Variants in FGF14 observed in about 807,000 individuals in gnomAD.
FGF14 encodes fibroblast growth factor homologous factor 4.
FGF14 carries 5 observed loss-of-function variants against 25.5 expected under a neutral mutation model. The observed-to-expected ratio is 0.20, with a 90% CI of 0.10 to 0.41. FGF14 has a LOEUF of 0.41. Among genes scored for constraint, FGF14 ranks in the 10% least tolerant of loss-of-function variants. The pLI, the probability that FGF14 is intolerant of heterozygous loss-of-function variation, is 1.00. For missense variants in FGF14, 222 were observed against 320.1 expected, an observed-to-expected ratio of 0.69 and a Z score of 2.34; for synonymous variants, 138 against 118.3, an observed-to-expected ratio of 1.17 and a Z score of -1.08.
chr13:101,912,731 A>G (rs2033074255), intron 1 of FGF14, among the ~76,000 whole-genome samples: 2 of 152,160 alleles, frequency 1.3e-5, no homozygotes, highest in African/African-American at 2.4e-5. Flanking sequence ...AGATATAATT[A>G]TATTTATTTA....
intron 1 of FGF14, among the ~76,000 whole-genome samples, chr13:102,065,186 A>G (rs1166670704): frequency 1.3e-5 from 2 of 152,098 alleles, no homozygotes; most frequent in African/African-American, 4.8e-5. Context: ...GGAGAAAGGA[A>G]GCTGTACTTC....
chr13:101,984,386 A>G (rs766253111), intron 1 of FGF14, among the ~76,000 whole-genome samples: 16 of 152,102 alleles, frequency 1.1e-4, no homozygotes, highest in Non-Finnish European at 2.4e-4. Context: ...TTGATAAATC[A>G]AGTTTTATTT....
intron 3 of FGF14, among the ~76,000 whole-genome samples, chr13:101,796,706 G>C (rs1307982269): frequency 6.6e-6 from 1 of 152,062 alleles, no homozygotes; most frequent in Non-Finnish European, 1.5e-5. Flanking sequence ...CCAGCTATGA[G>C]TGAAGGAGAG....
chr13:102,102,064 C>T (rs2044688944), intron 1 of FGF14, among the ~76,000 whole-genome samples: 1 of 152,188 alleles, frequency 6.6e-6, no homozygotes, highest in Non-Finnish European at 1.5e-5. Flanking sequence ...TTATCCTACT[C>T]AGCATTCCTT....
At chr13:101,903,310 A>G (rs1225355542) in intron 1 of FGF14, among the ~76,000 whole-genome samples, 2 of 151,904 alleles carry the variant, frequency 1.3e-5, no homozygotes, top group East Asian at 1.9e-4. Context: ...CATTATTTCC[A>G]TATTTCCTCA....
intron 1 of FGF14, among the ~76,000 whole-genome samples, chr13:102,326,698 GGAAGGAAGGAA>G (rs1272878602): frequency 5.4e-5 from 2 of 37,090 alleles, no homozygotes; most frequent in African/African-American, 1.2e-4. Context: ...GGGAAGGGAA[GGAAGGAAGGAA>G]GGAAGGAAGG....
At chr13:101,750,296 G>T (rs917336790) in intron 3 of FGF14, among the ~76,000 whole-genome samples, 13 of 151,986 alleles carry the variant, frequency 8.6e-5, no homozygotes, top group Admixed American at 7.9e-4. Context: ...GCATATAACT[G>T]CCAGAATGGA....
At chr13:101,984,670 T>TC (rs144280613) in intron 1 of FGF14, among the ~76,000 whole-genome samples, 4,832 of 152,244 alleles carry the variant, frequency 0.032, 235 homozygotes, top group African/African-American at 0.11. Flanking sequence ...TGTGGTACTG[T>TC]CCTAGGTAGG....
chr13:102,012,223 C>T (rs1032078608), intron 1 of FGF14, among the ~76,000 whole-genome samples: 2 of 151,846 alleles, frequency 1.3e-5, no homozygotes, highest in African/African-American at 4.8e-5. Context: ...GGTGAAGGGG[C>T]AGAGAAGAAA....
chr13:101,971,213 A>G (rs1385490849), intron 1 of FGF14, among the ~76,000 whole-genome samples: 1 of 152,158 alleles, frequency 6.6e-6, no homozygotes, highest in Non-Finnish European at 1.5e-5. Flanking sequence ...TGTATGCAAA[A>G]TTAAGTTTTA....
At chr13:101,934,329 C>T (rs1433635470) in intron 1 of FGF14, among the ~76,000 whole-genome samples, 8 of 152,120 alleles carry the variant, frequency 5.3e-5, no homozygotes, top group Non-Finnish European at 1.0e-4. Flanking sequence ...TAAACTTCCA[C>T]ATCATTATGT....
intron 3 of FGF14, among the ~76,000 whole-genome samples, chr13:101,831,203 G>C (rs1368665304): frequency 2.0e-5 from 3 of 151,758 alleles, no homozygotes; most frequent in Non-Finnish European, 4.4e-5. Context: ...ACTTAGAAAA[G>C]TACCAGACGT....
Position 101,719,759 on chromosome 13 carries a change from A to G in FGF14, c.*3072T>C, listed in dbSNP as rs2034859796. The G allele has an allele frequency of 6.6e-6, 1 of 152,090 alleles. No homozygotes were observed. The highest frequency in any genetic ancestry group is 2.4e-5 in the African/African-American group (1 of 41,432). The allele number at this position is 152,090 out of a possible 1,614,324, so 9.4% of individuals were successfully genotyped here. The stretch of plus-strand genomic sequence containing the variant: ...ACAATGGACATATGCACATGGAGGT[A>G]CAAAACACACAGTCTAAATACAAAT... On this transcript the variant is annotated 3_prime_UTR_variant, in exon 5 of 5. Transcript: ENST00000376143.
chr13:102,139,910 C>T (rs1334438752), intron 1 of FGF14, among the ~76,000 whole-genome samples: 1 of 152,094 alleles, frequency 6.6e-6, no homozygotes, highest in Non-Finnish European at 1.5e-5. Flanking sequence ...CCTGATATAC[C>T]AGATATTTTC....
intron 1 of FGF14, among the ~76,000 whole-genome samples, chr13:102,098,661 G>A (rs894286881): frequency 6.6e-6 from 1 of 152,198 alleles, no homozygotes; most frequent in African/African-American, 2.4e-5. Context: ...GAGACTAGAG[G>A]AGGTCAGAAC....
chr13:102,294,578 C>T (rs1231491458), intron 1 of FGF14, among the ~76,000 whole-genome samples: 1 of 152,132 alleles, frequency 6.6e-6, no homozygotes, highest in Non-Finnish European at 1.5e-5. Context: ...CCGTGGCATC[C>T]ACTTGGCTTG....
chr13:102,158,905 G>A (rs1329299659), intron 1 of FGF14, among the ~76,000 whole-genome samples: 4 of 152,020 alleles, frequency 2.6e-5, no homozygotes, highest in South Asian at 2.1e-4. Flanking sequence ...TTGGGAGGCC[G>A]AGGCAGGTGG....
chr13:101,831,617 T>C (rs936916212), intron 3 of FGF14, among the ~76,000 whole-genome samples: 2 of 152,068 alleles, frequency 1.3e-5, no homozygotes, highest in African/African-American at 2.4e-5. Flanking sequence ...GGCTTTGTTG[T>C]CTCAAGAATT....
chr13:102,012,500 G>C (rs1566570014), intron 1 of FGF14, among the ~76,000 whole-genome samples: 1 of 152,050 alleles, frequency 6.6e-6, no homozygotes, highest in Admixed American at 6.6e-5. Context: ...TTGTCATTTG[G>C]GGGTCATTTT....
Sources: allele counts gnomAD v4.1 joint callset (sites outside exome capture counted in the v4.1 genomes callset), GRCh38; gene constraint gnomAD v4.1.1; transcripts MANE v1.5; gene names NCBI Gene and HGNC (gene_info 2026-07-23, HGNC 2026-07-21).